NNT: variants seen among roughly 807,000 people sequenced by gnomAD.
NNT encodes the protein nicotinamide nucleotide transhydrogenase, also known as NAD(P) transhydrogenase, mitochondrial.
Under a neutral mutation model 104.8 loss-of-function variants are expected in NNT, and 50 were observed. The ratio of observed to expected loss-of-function variants is 0.48; its 90% confidence interval spans 0.38 to 0.60. The LOEUF is 0.60. Ranked by LOEUF, NNT falls within the 20% of genes least tolerant of loss-of-function variation. The probability of loss-of-function intolerance (pLI) is 0.00; values close to 1 mark genes in which losing one functional copy is unlikely to be tolerated. For missense variants in NNT, 1,131 were observed against 1,330.7 expected (o/e 0.85, Z 2.33); for synonymous variants, 461 against 490.4 (o/e 0.94, Z 0.79).
intron 21 of NNT, among the ~76,000 whole-genome samples, 162 bp from the exon 22 acceptor site, chr5:43,704,093 A>C (rs1188143503): frequency 6.6e-6 from 1 of 152,236 alleles, no homozygotes; most frequent in African/African-American, 2.4e-5. Flanking sequence ...CAATGTAAAC[A>C]TATGTTAAAA....
At chr5:43,618,885 A>G (rs1370183082) in intron 4 of NNT, 147 bp from the exon 5 acceptor site, 1 of 384,894 alleles carries the variant, frequency 2.6e-6, no homozygotes, top group African/African-American at 2.1e-5. Flanking sequence ...TACAACACTT[A>G]GAACTGTTTT....
At position 43,650,514 on chromosome 5, in the gene NNT, A is replaced by C; in HGVS notation, c.1644A>C (p.Gly548=). 1 of 1,614,040 alleles carries C rather than the reference A, an allele frequency of 6.2e-7. No individual in the cohort carries two copies. Among genetic ancestry groups the C allele is most frequent in the Non-Finnish European group, 8.5e-7 (1 of 1,179,998 alleles). The part of the protein sequence containing the change: ...TAVGGLALMG[G]HLYPSTTSQG... ...TTGGTGGGTTGGCACTGATGGGAGGACATTTGTATCCTTCCACAACTTCTC... is the reference window on the plus strand; with the variant it reads ...TTGGTGGGTTGGCACTGATGGGAGGCCATTTGTATCCTTCCACAACTTCTC... Residue 548 remains glycine, a synonymous_variant, in exon 12 of 22, where the codon GGA becomes GGC. Transcript: ENST00000344920.
chr5:43,619,609 G>A (rs560073831), intron 5 of NNT, among the ~76,000 whole-genome samples: 14 of 152,258 alleles, frequency 9.2e-5, no homozygotes, highest in African/African-American at 3.4e-4. Context: ...CACACTGAAA[G>A]CAGAGAGGAG....
chr5:43,618,999 ATTATTTATTTAT>A (rs372737896), intron 4 of NNT, 21 bp from the exon 5 acceptor site: 17 of 1,211,620 alleles, frequency 1.4e-5, no homozygotes, highest in African/African-American at 6.3e-5. Context: ...CTTTTATGGA[ATTATTTATTTAT>A]TTATTTATTT....
intron 19 of NNT, among the ~76,000 whole-genome samples, chr5:43,682,254 A>C (rs917867346): frequency 2.7e-4 from 34 of 124,372 alleles, no homozygotes; most frequent in African/African-American, 9.8e-4. Flanking sequence ...TCTGTCACCT[A>C]GCTTGGAGTT....
intron 17 of NNT, among the ~76,000 whole-genome samples, chr5:43,669,052 G>T (rs1355975658): frequency 2.0e-5 from 3 of 152,106 alleles, no homozygotes; most frequent in Non-Finnish European, 4.4e-5. Flanking sequence ...ATTGTGAATG[G>T]GAGTTCAGTC....
chr5:43,686,419 G>A (rs1741993246), intron 19 of NNT, among the ~76,000 whole-genome samples: 1 of 152,014 alleles, frequency 6.6e-6, no homozygotes, highest in Non-Finnish European at 1.5e-5. Context: ...TTTTGTTCAA[G>A]TTTCCAGGGA....
At chr5:43,631,132 C>T (rs1323417985) in intron 7 of NNT, among the ~76,000 whole-genome samples, 2 of 152,120 alleles carry the variant, frequency 1.3e-5, no homozygotes, top group African/African-American at 2.4e-5. Flanking sequence ...ATAACCGCAT[C>T]CCCCCAGAGC....
intron 5 of NNT, among the ~76,000 whole-genome samples, chr5:43,622,793 C>A (rs954571495): frequency 2.0e-5 from 3 of 151,276 alleles, no homozygotes; most frequent in Non-Finnish European, 4.4e-5. Context: ...TTACTCCATG[C>A]TTTAGAGAGA....
intron 17 of NNT, among the ~76,000 whole-genome samples, chr5:43,671,517 G>A (rs1275789120): frequency 6.6e-6 from 1 of 152,188 alleles, no homozygotes; most frequent in Admixed American, 6.5e-5. Context: ...TTTCTGTAAA[G>A]GATTTTATTT....
intron 17 of NNT, among the ~76,000 whole-genome samples, chr5:43,670,733 T>C (rs952252254): frequency 6.6e-6 from 1 of 152,226 alleles, no homozygotes; most frequent in Admixed American, 6.5e-5. Context: ...AAGTGCAGTG[T>C]GGTGCTGAGA....
At position 43,675,987 on chromosome 5, in the gene NNT, T is replaced by C. The variant is rs190254789; in HGVS notation, c.2794+317T>C. On this transcript the variant is annotated intron_variant, in intron 18 of 21. Transcript: ENST00000344920. ...GTAATTTTTGGGCCCGTTGTCAAGA[T>C]TAAATTAGATATAGTATATGAAAGT... 5.1e-4 allele frequency among the ~76,000 whole-genome samples: 78 copies of C among 152,296 alleles called. 1 individual carries two copies. Among genetic ancestry groups the C allele is most frequent in the Middle Eastern group, 6.8e-3 (2 of 294 alleles).
intron 19 of NNT, among the ~76,000 whole-genome samples, chr5:43,693,699 T>C (rs923633838): frequency 2.0e-5 from 3 of 152,186 alleles, no homozygotes; most frequent in African/African-American, 7.2e-5. Flanking sequence ...ATCTTGTTTC[T>C]AGAGAATTAA....
At chr5:43,626,417 C>T (rs1352416592) in intron 6 of NNT, among the ~76,000 whole-genome samples, 1 of 151,988 alleles carries the variant, frequency 6.6e-6, no homozygotes, top group East Asian at 1.9e-4. Context: ...CCCATGGATA[C>T]TGAGGGATGA....
At chr5:43,645,702 TATATA>T (rs1739375979) in intron 10 of NNT, 192 bp downstream of exon 10, 6 of 109,260 alleles carry the variant, frequency 5.5e-5, no homozygotes, top group African/African-American at 2.3e-4. Context: ...TATATATATA[TATATA>T]TATTTTTTTT....
intron 1 of NNT, among the ~76,000 whole-genome samples, chr5:43,608,015 C>T (rs2111764450): frequency 6.6e-6 from 1 of 152,002 alleles, no homozygotes; most frequent in South Asian, 2.1e-4. Context: ...ACTGCATCCT[C>T]CACCTCCCAG....
At chr5:43,658,495 T>A (rs1740177366) in intron 16 of NNT, among the ~76,000 whole-genome samples, 1 of 152,246 alleles carries the variant, frequency 6.6e-6, no homozygotes, top group Admixed American at 6.5e-5. Flanking sequence ...TTTATTTATG[T>A]GTTTTTGTAG....
At chr5:43,618,052 G>C (rs1314166501) in intron 4 of NNT, among the ~76,000 whole-genome samples, 1 of 152,074 alleles carries the variant, frequency 6.6e-6, no homozygotes, top group East Asian at 1.9e-4. Context: ...GAATGCAAAA[G>C]TGCCTTTTAC....
chr5:43,665,219 T>TTTA (rs781536048), intron 17 of NNT, among the ~76,000 whole-genome samples: 151 of 116,834 alleles, frequency 1.3e-3, no homozygotes, highest in South Asian at 0.01. Flanking sequence ...TATTTATTTA[T>TTTA]TTATTATTAT....
Sources: allele counts gnomAD v4.1 joint callset (sites outside exome capture counted in the v4.1 genomes callset), GRCh38; gene constraint gnomAD v4.1.1; transcripts MANE v1.5; gene names NCBI Gene and HGNC (gene_info 2026-07-23, HGNC 2026-07-21).